The following SCARA3 variants were observed in gnomAD, a reference collection of about 807,000 sequenced individuals.
SCARA3 encodes the protein scavenger receptor class A member 3.
A neutral mutation model predicts 47.0 loss-of-function variants in SCARA3; 39 were observed. The ratio of observed to expected loss-of-function variants is 0.83; its 90% confidence interval spans 0.64 to 1.08. The LOEUF is 1.08. Ranked by LOEUF, SCARA3 falls within the 50% of genes least tolerant of loss-of-function variation. The probability of loss-of-function intolerance (pLI) is 0.00; values close to 1 mark genes in which losing one functional copy is unlikely to be tolerated. For synonymous variants in SCARA3, 356 were observed against 334.1 expected, an observed-to-expected ratio of 1.07 and a Z score of -0.71; for missense variants, 724 against 792.3, an observed-to-expected ratio of 0.91 and a Z score of 1.04.
intron 5 of SCARA3, among the ~76,000 whole-genome samples, chr8:27,665,032 C>T (rs1305852495): frequency 6.6e-6 from 1 of 152,210 alleles, no homozygotes. Flanking sequence ...CAGGCACAGA[C>T]AGGCTGTGAC....
chr8:27,717,562 A>G, the SCARA3 span, among the ~76,000 whole-genome samples: 2 of 152,174 alleles, frequency 1.3e-5, no homozygotes, highest in Non-Finnish European at 2.9e-5. Context: ...CAGCGGGCAG[A>G]TTACTTGAGG....
At chr8:27,704,767 C>T in the SCARA3 span, among the ~76,000 whole-genome samples, 12 of 152,054 alleles carry the variant, frequency 7.9e-5, no homozygotes. Flanking sequence ...CACACACACA[C>T]ACGCACACAC....
intron 3 of SCARA3, among the ~76,000 whole-genome samples, chr8:27,654,909 G>A (rs1439374383): frequency 6.6e-6 from 1 of 152,200 alleles, no homozygotes; most frequent in Non-Finnish European, 1.5e-5. Flanking sequence ...ATAGGAATAG[G>A]AATCAAAGTC....
chr8:27,733,741 C>A, the SCARA3 span: 7 of 152,148 alleles, frequency 4.6e-5, no homozygotes, highest in Non-Finnish European at 1.5e-5. Context: ...AGAAAAAGCA[C>A]GCGTCAATAT....
At chr8:27,701,466 C>G in the SCARA3 span, 1 of 151,938 alleles carries the variant, frequency 6.6e-6, no homozygotes, top group African/African-American at 2.4e-5. Context: ...TCGTAGCTCC[C>G]CATTGAACAC....
intron 4 of SCARA3, among the ~76,000 whole-genome samples, chr8:27,657,540 CTTTTT>C (rs10548067): frequency 1.1e-5 from 1 of 94,492 alleles, no homozygotes; most frequent in Middle Eastern, 6.1e-3. Flanking sequence ...TGTATTCAAC[CTTTTT>C]TTTTTTTTTT....
At chr8:27,730,892 G>A in the SCARA3 span, among the ~76,000 whole-genome samples, 1 of 151,692 alleles carries the variant, frequency 6.6e-6, no homozygotes, top group African/African-American at 2.4e-5. Context: ...TGCACCATGA[G>A]TACCTATGCC....
At chr8:27,687,720 GA>G in the SCARA3 span, among the ~76,000 whole-genome samples, 42 of 144,908 alleles carry the variant, frequency 2.9e-4, no homozygotes, top group South Asian at 1.5e-3. Flanking sequence ...GCTTAACTTA[GA>G]AAAAAAAAAA....
intron 1 of SCARA3, among the ~76,000 whole-genome samples, chr8:27,636,024 G>C (rs530485521): frequency 2.1e-4 from 32 of 152,168 alleles, no homozygotes; most frequent in Non-Finnish European, 4.3e-4. Context: ...TAGGCTCTGC[G>C]GGATGAGCCA....
the SCARA3 span, among the ~76,000 whole-genome samples, chr8:27,690,653 C>T: frequency 1.3e-5 from 2 of 152,176 alleles, no homozygotes; most frequent in South Asian, 4.1e-4. Flanking sequence ...AAGCAATGTG[C>T]AAAAGAGCTA....
the SCARA3 span, among the ~76,000 whole-genome samples, chr8:27,716,020 CT>C: frequency 6.6e-6 from 1 of 152,122 alleles, no homozygotes; most frequent in Admixed American, 6.6e-5. Flanking sequence ...TGACATCACT[CT>C]TAGGCTGGGT....
At chr8:27,696,807 G>T in the SCARA3 span, among the ~76,000 whole-genome samples, 1 of 151,996 alleles carries the variant, frequency 6.6e-6, no homozygotes, top group Non-Finnish European at 1.5e-5. Context: ...CATATTTTAT[G>T]ATTCTATTTA....
At chr8:27,697,153 T>G in the SCARA3 span, 2 of 194,944 alleles carry the variant, frequency 1.0e-5, no homozygotes, top group African/African-American at 4.6e-5. Context: ...AAGGCATCCT[T>G]TCTTCCAGTG....
the SCARA3 span, chr8:27,703,545 G>C: frequency 6.6e-6 from 1 of 152,264 alleles, no homozygotes; most frequent in Non-Finnish European, 1.5e-5. Flanking sequence ...ACCGGCAATG[G>C]GTGTGGTTAT....
At chr8:27,667,975 G>T (rs1802054742) in intron 5 of SCARA3, among the ~76,000 whole-genome samples, 1 of 152,208 alleles carries the variant, frequency 6.6e-6, no homozygotes, top group Non-Finnish European at 1.5e-5. Context: ...GGGGTGAGAA[G>T]CGGCAGCTGT....
downstream of SCARA3, among the ~76,000 whole-genome samples, chr8:27,676,367 T>C (rs185906719): frequency 8.1e-4 from 124 of 152,288 alleles, no homozygotes; most frequent in East Asian, 0.022. Flanking sequence ...GTGCAGGAGA[T>C]GGCAGCAGGA....
chr8:27,635,266 G>T (rs1405221712), intron 1 of SCARA3, among the ~76,000 whole-genome samples: 2 of 151,846 alleles, frequency 1.3e-5, no homozygotes, highest in East Asian at 3.9e-4. Flanking sequence ...GGGTTCATTG[G>T]AAGAAAGGGC....
At position 27,671,198 on chromosome 8, in the gene SCARA3, G is replaced by A; in HGVS notation, c.1668G>A (p.Gly556=). ...PGPEGPPGSP[G]PSGPQGKPGI... is the part of the protein sequence containing the mutation. Reference sequence around the variant, plus strand: ...CAGAAGGGCCCCCGGGGTCTCCAGGGCCCTCAGGGCCTCAGGGAAAACCGG... The same window carrying A: ...CAGAAGGGCCCCCGGGGTCTCCAGGACCCTCAGGGCCTCAGGGAAAACCGG... The change falls in exon 6 of 6, where the codon GGG becomes GGA. Residue 556 remains glycine (G), a synonymous_variant. Coordinates refer to ENST00000301904, the MANE Select transcript of SCARA3 (RefSeq NM_016240.3). 3.3e-6 allele frequency: 5 copies of A among 1,509,158 alleles called. No homozygotes were observed. Among genetic ancestry groups the A allele is most frequent in the Non-Finnish European group, 4.4e-6 (5 of 1,134,522 alleles). The allele number at this position is 1,509,158 out of a possible 1,614,324, so 93.5% of individuals were successfully genotyped here. A position where few individuals can be genotyped will look rare whatever the true frequency, so the allele number is the denominator to read the frequency against.
the SCARA3 span, among the ~76,000 whole-genome samples, chr8:27,719,681 GAC>G: frequency 6.6e-6 from 1 of 152,158 alleles, no homozygotes; most frequent in African/African-American, 2.4e-5. Flanking sequence ...CACTGCCTCT[GAC>G]ACAGGAGAGG....
Sources: allele counts gnomAD v4.1 joint callset (sites outside exome capture counted in the v4.1 genomes callset), GRCh38; gene constraint gnomAD v4.1.1; transcripts MANE v1.5; gene names NCBI Gene and HGNC (gene_info 2026-07-23, HGNC 2026-07-21).